Variants in CTRC observed in about 807,000 individuals in gnomAD.
CTRC encodes chymotrypsin C.
CTRC carries 32 observed loss-of-function variants against 35.7 expected under a neutral mutation model. That is an observed-to-expected ratio of 0.90 (90% CI 0.68 to 1.20). CTRC has a LOEUF of 1.20. Ranked by LOEUF, CTRC falls within the 50% of genes most tolerant of loss-of-function variation. CTRC has a pLI of 0.00. For synonymous variants in CTRC, 119 were observed against 149.5 expected (o/e 0.80, Z 1.49); for missense variants, 324 against 361.5 (o/e 0.90, Z 0.84).
chr1:15,439,820 C>T (rs1395381986), intron 1 of CTRC, among the ~76,000 whole-genome samples: 1 of 152,238 alleles, frequency 6.6e-6, no homozygotes, highest in Non-Finnish European at 1.5e-5. Context: ...CGGCTCACTG[C>T]AACCTCCATC....
Position 15,438,517 on chromosome 1 carries a change from G to A in CTRC, c.40+13G>A, listed in dbSNP as rs1708076749. 5.0e-6 allele frequency: 8 copies of A among 1,613,910 alleles called. No individual in the cohort carries two copies. Among genetic ancestry groups the A allele is most frequent in the Non-Finnish European group, 6.8e-6 (8 of 1,180,034 alleles). On this transcript the variant is annotated intron_variant, in intron 1 of 7. Transcript: ENST00000375949. ...CTCTTGGCCTGTGGTAAGCGGTGGG[G>A]TGGGGCTGCAGCTAGCAGGCTGTGA...
In CTRC at chr1:15,447,021, C is replaced by A; in HGVS notation, c.*432C>A. ...GGGCCTGGCAGGTCCTCACAGCCCC[C>A]CAGCAGCAGGTGGAAGACAGGGTCT... On this transcript the variant is annotated 3_prime_UTR_variant, in exon 8 of 8. Coordinates refer to ENST00000375949, the MANE Select transcript of CTRC (RefSeq NM_007272.3). 1 of 319,214 alleles carries A rather than the reference C, an allele frequency of 3.1e-6. No individual in the cohort carries two copies. The highest frequency in any genetic ancestry group is 4.4e-5 in the Admixed American group (1 of 22,950). 19.8% of individuals were successfully genotyped at this position (319,214 alleles called of 1,614,324 possible). A position where few individuals can be genotyped will look rare whatever the true frequency, so the allele number is the denominator to read the frequency against.
rs748221308 is a variant in CTRC at position 15,442,572 on chromosome 1, G to A, written c.356G>A (p.Arg119His). The change falls in exon 4 of 8, where the codon CGC becomes CAC. Residue 119 changes from arginine to histidine, a missense_variant and splice_region_variant. Physicochemically the swap from Arg to His is conservative, Grantham distance 29 (BLOSUM62 0). Transcript: ENST00000375949. ...AAGAGATGGAATGCCCTCCTGTTGC[G>A]GTGAGTGACAGACTGCCCATCCCAC... Reference protein sequence around the residue: ...VHKRWNALLLRNDIALIKLAE... With the variant: ...VHKRWNALLLHNDIALIKLAE... 62 of 1,613,770 alleles carry A rather than the reference G, an allele frequency of 3.8e-5. 1 individual carries two copies. The highest frequency in any genetic ancestry group is 1.8e-4 in the South Asian group (16 of 91,058).
rs925409365 is a variant in CTRC, at chr1:15,447,285, C to T, written c.*696C>T. 1.3e-5 allele frequency: 2 copies of T among 158,576 alleles called. No individual in the cohort carries two copies. Among genetic ancestry groups the T allele is most frequent in the Non-Finnish European group, 2.8e-5 (2 of 71,890 alleles). The allele number at this position is 158,576 out of a possible 1,614,324, so 9.8% of individuals were successfully genotyped here. On this transcript the variant is annotated 3_prime_UTR_variant, in exon 8 of 8. Coordinates refer to ENST00000375949, the MANE Select transcript of CTRC (RefSeq NM_007272.3). ...TGAGGGTACAGGAAGAGGAAGAGACCCCAGCATCATCCTCAGGAGACATAC... is the reference window on the plus strand; with the variant it reads ...TGAGGGTACAGGAAGAGGAAGAGACTCCAGCATCATCCTCAGGAGACATAC...
chr1:15,442,078 T>G (rs954935437), intron 3 of CTRC, among the ~76,000 whole-genome samples: 18 of 152,070 alleles, frequency 1.2e-4, no homozygotes, highest in Non-Finnish European at 2.2e-4. Context: ...GGGTTCAGAA[T>G]AGACAGGAGT....
chr1:15,442,031 C>T (rs77141138), intron 3 of CTRC, among the ~76,000 whole-genome samples: 20 of 152,106 alleles, frequency 1.3e-4, no homozygotes, highest in Admixed American at 2.6e-4. Flanking sequence ...CATGAGCCAA[C>T]GCACCTGGCC....
At chr1:15,440,842 T>C (rs954171065) in intron 3 of CTRC, among the ~76,000 whole-genome samples, 1 of 152,150 alleles carries the variant, frequency 6.6e-6, no homozygotes, top group Admixed American at 6.5e-5. Context: ...CGGCAGACAA[T>C]TAAACAAATA....
At chr1:15,442,795 G>A in intron 4 of CTRC, among the ~76,000 whole-genome samples, 1 of 151,942 alleles carries the variant, frequency 6.6e-6, no homozygotes, top group Non-Finnish European at 1.5e-5. Flanking sequence ...AGTCCACAAG[G>A]AAGGCCCCCC....
rs753361075 is a variant in CTRC, at chr1:15,442,455, G to A, written c.239G>A (p.Arg80Gln). Residue 80 changes from arginine (R) to glutamine (Q), a missense_variant, in exon 4 of 8, where the codon CGG (arginine) becomes CAG (glutamine). Transcript: ENST00000375949. ...LTAAHCISNT[R>Q]TYRVAVGKNN... ...CCCCTTCCTCTGCCCAGCAACACCC[G>A]GACCTACCGTGTGGCCGTGGGAAAG... The A allele has an allele frequency of 9.9e-6, 16 of 1,612,920 alleles. No individual in the cohort carries two copies. Among genetic ancestry groups the A allele is most frequent in the African/African-American group, 8.0e-5 (6 of 74,878 alleles).
At chr1:15,440,701 A>G in intron 3 of CTRC, 111 bp downstream of exon 3, 1 of 899,264 alleles carries the variant, frequency 1.1e-6, no homozygotes, top group Non-Finnish European at 1.8e-6. Context: ...TACATAATCT[A>G]CTCACACCCA....
intron 5 of CTRC, 118 bp downstream of exon 5, chr1:15,443,673 A>G: frequency 8.1e-7 from 1 of 1,239,382 alleles, no homozygotes; most frequent in African/African-American, 1.5e-5. Flanking sequence ...TAAACTTTGT[A>G]ACAATAACAG....
In CTRC at chr1:15,442,523, G is replaced by A. The variant is rs935672293; in HGVS notation, c.307G>A (p.Gly103Ser). The A allele has an allele frequency of 1.2e-6, 2 of 1,614,120 alleles. No individual in the cohort carries two copies. The highest frequency in any genetic ancestry group is 8.5e-7 in the Non-Finnish European group (1 of 1,180,020). ...VEDEEGSLFV[G>S]VDTIHVHKRW... ...AGACGAAGAAGGATCCCTGTTTGTG[G>A]GTGTGGACACCATCCACGTCCACAA... The change falls in exon 4 of 8, where the codon GGT becomes AGT. Residue 103 changes from glycine to serine, a missense_variant. Gly to Ser is a moderately conservative substitution (Grantham distance 56). Coordinates refer to ENST00000375949, the MANE Select transcript of CTRC (RefSeq NM_007272.3).
rs1301481703 is a variant in CTRC, at chr1:15,440,607, C to G, written c.230+17C>G. ...CTGCATCAGGTGTGCGGGGATGATA[C>G]CCTGAGACCTGGCCATCGTCCGGGG... On this transcript the variant is annotated intron_variant, in intron 3 of 7. Transcript: ENST00000375949. The G allele has an allele frequency of 1.2e-5, 19 of 1,611,852 alleles. No homozygotes were observed. The East Asian group carries it at 4.2e-4, about 36-fold the overall frequency.
intron 6 of CTRC, among the ~76,000 whole-genome samples, chr1:15,445,186 T>C (rs1168763293): frequency 6.6e-6 from 1 of 152,136 alleles, no homozygotes; most frequent in Admixed American, 6.5e-5. Context: ...AATCAGGGAA[T>C]GTCCTGTTTT....
chr1:15,441,863 G>T (rs1020202803), intron 3 of CTRC, among the ~76,000 whole-genome samples: 1 of 151,530 alleles, frequency 6.6e-6, no homozygotes, highest in Non-Finnish European at 1.5e-5. Flanking sequence ...CTTGTTTTTT[G>T]TTTGTTTGTT....
At chr1:15,442,144 G>A (rs1284695206) in intron 3 of CTRC, among the ~76,000 whole-genome samples, 1 of 152,170 alleles carries the variant, frequency 6.6e-6, no homozygotes, top group African/African-American at 2.4e-5. Context: ...TGCAGGCAAG[G>A]GCGGTGGAAG....
chr1:15,443,821 A>C (rs1404576621), intron 5 of CTRC, among the ~76,000 whole-genome samples: 1 of 152,236 alleles, frequency 6.6e-6, no homozygotes, highest in African/African-American at 2.4e-5. Context: ...ACATAAATAA[A>C]CTAAAATAAA....
Position 15,447,998 on chromosome 1 carries a change from A to G in CTRC, c.*1409A>G, listed in dbSNP as rs1191605814. 1 of 152,228 alleles carries G rather than the reference A, an allele frequency of 6.6e-6. No homozygotes were observed. Among genetic ancestry groups the G allele is most frequent in the Non-Finnish European group, 1.5e-5 (1 of 68,048 alleles). 9.4% of individuals were successfully genotyped at this position (152,228 alleles called of 1,614,324 possible). A position where few individuals can be genotyped will look rare whatever the true frequency, so the allele number is the denominator to read the frequency against. On this transcript the variant is annotated 3_prime_UTR_variant, in exon 8 of 8. Transcript: ENST00000375949. ...GAAAACAGAAATACAGACCAGAAGC[A>G]TAGAAACAGGACACCTGAAGCAGTG...
rs1323439337 is a variant in CTRC, at chr1:15,444,610, C to T, written c.498C>T (p.Asn166=). 3.7e-6 allele frequency: 6 copies of T among 1,614,068 alleles called. No individual in the cohort carries two copies. The Admixed American group carries it at 5.0e-5, about 13-fold the overall frequency. The change falls in exon 6 of 8, where the codon AAC becomes AAT. Residue 166 remains asparagine (N), a synonymous_variant. Coordinates refer to ENST00000375949, the MANE Select transcript of CTRC (RefSeq NM_007272.3). ...CACTGCTCACTCTCTCCCCAGCCAA[C>T]GGCCCCATTGCTGATAAGCTGCAGC... ...YVTGWGRLWT[N]GPIADKLQQG... is the part of the protein sequence containing the mutation.
Sources: gnomAD v4.1 joint callset for allele counts (sites outside exome capture counted in the v4.1 genomes callset) on GRCh38, gnomAD v4.1.1 for gene constraint, MANE v1.5 for transcripts, NCBI Gene and HGNC (gene_info 2026-07-23, HGNC 2026-07-21) for gene names.